Variants in COL19A1 observed in about 807,000 individuals in gnomAD.
COL19A1 encodes the protein collagen alpha-1(XIX) chain.
In COL19A1, 159 loss-of-function variants were observed where a neutral mutation model predicts 190.2. The observed-to-expected ratio is 0.84, with a 90% CI of 0.73 to 0.95. The LOEUF (loss-of-function observed/expected upper bound fraction) is 0.95. Ranked by LOEUF, COL19A1 falls within the 40% of genes least tolerant of loss-of-function variation. The probability of loss-of-function intolerance (pLI) is 0.00; values close to 1 mark genes in which losing one functional copy is unlikely to be tolerated. For synonymous variants in COL19A1, 509 were observed against 458.9 expected, an observed-to-expected ratio of 1.11 and a Z score of -1.39; for missense variants, 1,418 against 1,431.9, an observed-to-expected ratio of 0.99 and a Z score of 0.16.
At chr6:69,936,152 C>T (rs1299755920) in intron 7 of COL19A1, among the ~76,000 whole-genome samples, 3 of 152,024 alleles carry the variant, frequency 2.0e-5, no homozygotes, top group East Asian at 1.9e-4. Context: ...AAAAAATGTT[C>T]GTTGCTTTGT....
chr6:70,189,768 T>C (rs1477382528), intron 47 of COL19A1, among the ~76,000 whole-genome samples: 1 of 152,244 alleles, frequency 6.6e-6, no homozygotes, highest in Non-Finnish European at 1.5e-5. Flanking sequence ...ATACTTGCAA[T>C]GTGTAAATTA....
At chr6:70,138,051 T>A (rs1278420807) in intron 19 of COL19A1, among the ~76,000 whole-genome samples, 1 of 152,210 alleles carries the variant, frequency 6.6e-6, no homozygotes, top group Non-Finnish European at 1.5e-5. Flanking sequence ...GCATTGGAGC[T>A]GTGAATCACA....
intron 11 of COL19A1, among the ~76,000 whole-genome samples, chr6:70,021,151 A>G (rs751548969): frequency 6.6e-6 from 1 of 152,164 alleles, no homozygotes; most frequent in Non-Finnish European, 1.5e-5. Flanking sequence ...ACTTATTTTT[A>G]TATGTTAAAA....
At chr6:69,979,182 T>C (rs1334882788) in intron 11 of COL19A1, among the ~76,000 whole-genome samples, 1 of 151,924 alleles carries the variant, frequency 6.6e-6, no homozygotes, top group Non-Finnish European at 1.5e-5. Context: ...AAAGGAAAGA[T>C]CCACAGCCTC....
chr6:70,000,410 T>C (rs1414446572), intron 11 of COL19A1, among the ~76,000 whole-genome samples: 6 of 152,168 alleles, frequency 3.9e-5, no homozygotes, highest in Non-Finnish European at 8.8e-5. Flanking sequence ...GGTCAAGTGG[T>C]ATTTCTTGTT....
chr6:69,867,241 C>T (rs1015604388), intron 1 of COL19A1, among the ~76,000 whole-genome samples: 6 of 152,136 alleles, frequency 3.9e-5, no homozygotes, highest in Admixed American at 3.3e-4. Flanking sequence ...AGTGCGGCTT[C>T]TGGGGGGCGG....
chr6:70,191,198 C>T (rs1766850052), intron 48 of COL19A1, among the ~76,000 whole-genome samples: 1 of 152,176 alleles, frequency 6.6e-6, no homozygotes. Context: ...TGGAAAAAAG[C>T]ATCCATATTA....
chr6:69,919,632 C>A (rs1416827143), intron 4 of COL19A1, among the ~76,000 whole-genome samples: 1 of 152,008 alleles, frequency 6.6e-6, no homozygotes, highest in Non-Finnish European at 1.5e-5. Flanking sequence ...GGAATTTGGA[C>A]AAATATAATT....
chr6:70,142,715 C>A (rs936125787), intron 22 of COL19A1, 52 bp from the exon 23 acceptor site: 3 of 1,425,558 alleles, frequency 2.1e-6, no homozygotes, highest in African/African-American at 1.5e-5. Context: ...TACAATCTAT[C>A]TTTTTTTTTC....
At chr6:69,875,871 C>G (rs1255147333) in intron 1 of COL19A1, among the ~76,000 whole-genome samples, 1 of 152,062 alleles carries the variant, frequency 6.6e-6, no homozygotes, top group African/African-American at 2.4e-5. Context: ...GATTAACCAT[C>G]TTACAGATAA....
At chr6:69,945,344 C>A (rs934008675) in intron 9 of COL19A1, among the ~76,000 whole-genome samples, 4 of 151,952 alleles carry the variant, frequency 2.6e-5, no homozygotes, top group Admixed American at 2.6e-4. Context: ...ACTTCTCCTG[C>A]CCTCCAATCC....
intron 4 of COL19A1, among the ~76,000 whole-genome samples, chr6:69,916,995 A>T (rs1462678588): frequency 6.6e-6 from 1 of 152,206 alleles, no homozygotes; most frequent in Non-Finnish European, 1.5e-5. Context: ...ATGAAGTGAG[A>T]TGATTGATCT....
At chr6:69,879,854 C>T (rs565921693) in intron 2 of COL19A1, 196 bp downstream of exon 2, 21 of 588,660 alleles carry the variant, frequency 3.6e-5, no homozygotes, top group African/African-American at 1.9e-4. Context: ...TTTTTTCATA[C>T]GCATAGTATA....
chr6:69,978,938 T>C (rs1775880056), intron 11 of COL19A1, among the ~76,000 whole-genome samples: 1 of 151,812 alleles, frequency 6.6e-6, no homozygotes, highest in African/African-American at 2.4e-5. Flanking sequence ...TCTGAGACTA[T>C]TGTTATATGT....
chr6:70,143,378 TG>T (rs1320496664), intron 23 of COL19A1, among the ~76,000 whole-genome samples: 1 of 152,182 alleles, frequency 6.6e-6, no homozygotes, highest in Non-Finnish European at 1.5e-5. Flanking sequence ...ATCAGCTTTT[TG>T]TTCCTTGGAC....
chr6:69,926,535 G>T (rs1396850624), intron 4 of COL19A1, among the ~76,000 whole-genome samples: 3 of 152,044 alleles, frequency 2.0e-5, no homozygotes, highest in Non-Finnish European at 4.4e-5. Context: ...TTCAAGAACT[G>T]ATCTGAGGTA....
At chr6:70,043,788 T>A (rs928087274) in intron 14 of COL19A1, among the ~76,000 whole-genome samples, 1 of 152,212 alleles carries the variant, frequency 6.6e-6, no homozygotes, top group Non-Finnish European at 1.5e-5. Flanking sequence ...AGGGTAAATG[T>A]AGCATAACTC....
At chr6:70,180,613 GAATAAGCAGTTTCC>G in intron 44 of COL19A1, 90 bp downstream of exon 44, 1 of 1,376,626 alleles carries the variant, frequency 7.3e-7, no homozygotes, top group Non-Finnish European at 1.0e-6. Flanking sequence ...TCTGAGATTT[GAATAAGCAGTTTCC>G]AAGGAGTAAG....
intron 15 of COL19A1, among the ~76,000 whole-genome samples, chr6:70,080,065 G>A: frequency 6.6e-6 from 1 of 152,162 alleles, no homozygotes; most frequent in African/African-American, 2.4e-5. Context: ...AAGGAAAGGA[G>A]GGGCATGGAC....
Sources: gnomAD v4.1 joint callset for allele counts (sites outside exome capture counted in the v4.1 genomes callset) on GRCh38, gnomAD v4.1.1 for gene constraint, MANE v1.5 for transcripts, NCBI Gene and HGNC (gene_info 2026-07-23, HGNC 2026-07-21) for gene names.